MKLN1: variants seen among roughly 807,000 people sequenced by gnomAD.
MKLN1 encodes the protein muskelin 1.
A neutral mutation model predicts 99.0 loss-of-function variants in MKLN1; 18 were observed. That is an observed-to-expected ratio of 0.18 (90% CI 0.13 to 0.27). MKLN1 has a LOEUF of 0.27. MKLN1 is among the 10% of genes least tolerant of loss of function. MKLN1 has a pLI of 1.00. For synonymous variants in MKLN1, 288 were observed against 293.2 expected, an observed-to-expected ratio of 0.98 and a Z score of 0.18; for missense variants, 621 against 875.9, an observed-to-expected ratio of 0.71 and a Z score of 3.67.
chr7:131,311,009 G>A (rs1460191416), intron 3 of MKLN1: 1 of 151,830 alleles, frequency 6.6e-6, no homozygotes, highest in Non-Finnish European at 1.5e-5. Flanking sequence ...AACCAGCAAT[G>A]TTTTAAATAA....
chr7:131,244,579 C>G (rs998087510), intron 3 of MKLN1, among the ~76,000 whole-genome samples: 6 of 152,174 alleles, frequency 3.9e-5, no homozygotes, highest in Non-Finnish European at 7.4e-5. Context: ...GGTCTATGGA[C>G]AGCCTTGAAG....
At chr7:131,462,939 T>C (rs1796558551) in intron 12 of MKLN1, among the ~76,000 whole-genome samples, 1 of 152,054 alleles carries the variant, frequency 6.6e-6, no homozygotes, top group South Asian at 2.1e-4. Context: ...CTGGGCAACA[T>C]AGCAAGACCC....
chr7:131,143,013 T>C (rs943000617), intron 2 of MKLN1: 3 of 1,061,666 alleles, frequency 2.8e-6, no homozygotes, highest in African/African-American at 3.3e-5. Flanking sequence ...AGTAATGCTT[T>C]TCAAATTCTT....
intron 2 of MKLN1, among the ~76,000 whole-genome samples, chr7:131,149,650 CA>C (rs1192134806): frequency 6.6e-6 from 1 of 152,130 alleles, no homozygotes; most frequent in Non-Finnish European, 1.5e-5. Context: ...AACCACATTC[CA>C]AACAAACAGT....
intron 1 of MKLN1, among the ~76,000 whole-genome samples, chr7:131,126,449 C>A (rs1438066506): frequency 6.6e-6 from 1 of 152,094 alleles, no homozygotes; most frequent in Non-Finnish European, 1.5e-5. Context: ...CAGATATCCC[C>A]CCATGTTTTT....
At chr7:131,326,222 C>T (rs1325382817), upstream of MKLN1, among the ~76,000 whole-genome samples, 2 of 152,160 alleles carry the variant, frequency 1.3e-5, no homozygotes, top group Non-Finnish European at 2.9e-5. Context: ...ATTCTCTGGC[C>T]CTTTCCCACT....
At position 131,410,338 on chromosome 7, in the gene MKLN1, T is replaced by G. The variant is rs1034766277; in HGVS notation, c.704-968T>G. Among the ~76,000 whole-genome samples, 4 of 152,188 alleles carry G rather than the reference T, an allele frequency of 2.6e-5. No individual in the cohort carries two copies. The East Asian group carries it at 7.7e-4, about 29-fold the overall frequency. ...TTTTTTAAATACAAATTTCTGGATT[T>G]ATAAAACGGAGATGATAATGTGTAG... On this transcript the variant is annotated intron_variant, in intron 6 of 17. Coordinates refer to ENST00000352689, the MANE Select transcript of MKLN1 (RefSeq NM_013255.5).
chr7:131,389,020 G>A, intron 4 of MKLN1, 48 bp downstream of exon 4: 3 of 1,305,650 alleles, frequency 2.3e-6, no homozygotes, highest in Non-Finnish European at 3.3e-6. Flanking sequence ...GATATCATCA[G>A]TCAGCAAACT....
intron 3 of MKLN1, among the ~76,000 whole-genome samples, chr7:131,282,715 A>C (rs564939964): frequency 6.6e-6 from 1 of 152,220 alleles, no homozygotes; most frequent in South Asian, 2.1e-4. Flanking sequence ...CATTAATAGA[A>C]TATAACCATG....
chr7:131,219,020 G>A (rs1437416931), intron 3 of MKLN1, among the ~76,000 whole-genome samples: 1 of 152,150 alleles, frequency 6.6e-6, no homozygotes, highest in Non-Finnish European at 1.5e-5. Context: ...CTTAGGAACA[G>A]AAAGCAGAAT....
intron 1 of MKLN1, among the ~76,000 whole-genome samples, chr7:131,330,582 A>G (rs924214331): frequency 6.6e-6 from 1 of 152,238 alleles, no homozygotes; most frequent in Non-Finnish European, 1.5e-5. Flanking sequence ...GTCAGGCTCC[A>G]CAGTCTGTGG....
chr7:131,210,071 T>G (rs1260283089), intron 3 of MKLN1, among the ~76,000 whole-genome samples: 1 of 152,216 alleles, frequency 6.6e-6, no homozygotes, highest in African/African-American at 2.4e-5. Flanking sequence ...TGTTGTTTGA[T>G]ATAAGAAGGT....
At chr7:131,294,000 T>C (rs919130994) in intron 3 of MKLN1, among the ~76,000 whole-genome samples, 8 of 152,068 alleles carry the variant, frequency 5.3e-5, no homozygotes, top group Non-Finnish European at 1.0e-4. Flanking sequence ...CTCTAGATAC[T>C]AGATACCAGT....
chr7:131,250,942 T>G (rs1415886550), intron 3 of MKLN1, among the ~76,000 whole-genome samples: 2 of 152,156 alleles, frequency 1.3e-5, no homozygotes, highest in African/African-American at 2.4e-5. Context: ...GTTAATTTTT[T>G]TTTTTGTTTG....
chr7:131,232,509 T>C (rs1797257768), intron 3 of MKLN1, among the ~76,000 whole-genome samples: 1 of 152,240 alleles, frequency 6.6e-6, no homozygotes, highest in Non-Finnish European at 1.5e-5. Flanking sequence ...CTTTTGAATC[T>C]ATTACTTTAT....
At chr7:131,121,126 A>G (rs775240252) in intron 1 of MKLN1, among the ~76,000 whole-genome samples, 91 of 152,308 alleles carry the variant, frequency 6.0e-4, no homozygotes, top group Non-Finnish European at 9.3e-4. Flanking sequence ...GCATCTTCAC[A>G]TGGCTGGCAC....
At chr7:131,213,463 T>C (rs1348537642) in intron 3 of MKLN1, among the ~76,000 whole-genome samples, 5 of 152,212 alleles carry the variant, frequency 3.3e-5, no homozygotes, top group Non-Finnish European at 2.9e-5. Flanking sequence ...GCACACCATG[T>C]GAGGTTTTTC....
At chr7:131,153,418 C>T (rs1011502827) in intron 2 of MKLN1, among the ~76,000 whole-genome samples, 1 of 152,064 alleles carries the variant, frequency 6.6e-6, no homozygotes, top group African/African-American at 2.4e-5. Flanking sequence ...TTTTTGATAG[C>T]TTTCCTGCTA....
At chr7:131,436,281 T>A (rs1795674211) in intron 9 of MKLN1, among the ~76,000 whole-genome samples, 3 of 152,198 alleles carry the variant, frequency 2.0e-5, no homozygotes, top group Non-Finnish European at 4.4e-5. Context: ...ACTGCCTTTT[T>A]ATGTTATATC....
Sources: allele counts gnomAD v4.1 joint callset (sites outside exome capture counted in the v4.1 genomes callset), GRCh38; gene constraint gnomAD v4.1.1; transcripts MANE v1.5; gene names NCBI Gene and HGNC (gene_info 2026-07-23, HGNC 2026-07-21).